CHD9: variants seen among roughly 807,000 people sequenced by gnomAD.
CHD9 encodes ATP-dependent chromatin remodeler CHD9.
CHD9 carries 77 observed loss-of-function variants against 316.1 expected under a neutral mutation model. That is an observed-to-expected ratio of 0.24 (90% CI 0.20 to 0.29). The LOEUF (loss-of-function observed/expected upper bound fraction) is 0.29, where lower values mean the gene tolerates loss of function less well. Among genes scored for constraint, CHD9 ranks in the 10% least tolerant of loss-of-function variants. The probability of loss-of-function intolerance (pLI) is 1.00; values close to 1 mark genes in which losing one functional copy is unlikely to be tolerated. For missense variants in CHD9, 2,763 were observed against 3,438.1 expected, an observed-to-expected ratio of 0.80 and a Z score of 4.91; for synonymous variants, 1,129 against 1,158.3, an observed-to-expected ratio of 0.97 and a Z score of 0.51.
At chr16:53,167,595 G>T (rs954251526) in intron 2 of CHD9, among the ~76,000 whole-genome samples, 1 of 151,806 alleles carries the variant, frequency 6.6e-6, no homozygotes, top group African/African-American at 2.4e-5. Context: ...TAAAGAAGGT[G>T]TTCCTCTAAG....
chr16:53,063,230 G>A (rs1316483310), intron 1 of CHD9, among the ~76,000 whole-genome samples: 2 of 151,940 alleles, frequency 1.3e-5, no homozygotes, highest in African/African-American at 2.4e-5. Context: ...GAGCAAACAG[G>A]CATAGAGAAG....
intron 1 of CHD9, among the ~76,000 whole-genome samples, chr16:53,145,107 A>C (rs2040462255): frequency 6.6e-6 from 1 of 151,908 alleles, no homozygotes; most frequent in Non-Finnish European, 1.5e-5. Flanking sequence ...ATTGGTTAGA[A>C]GTTTTCTAAG....
chr16:53,242,852 C>T lies in CHD9; in HGVS notation c.2890C>T (p.Arg964Ter). 6.2e-7 allele frequency: 1 copy of T among 1,612,494 alleles called. No homozygotes were observed. The highest frequency in any genetic ancestry group is 8.5e-7 in the Non-Finnish European group (1 of 1,179,004). The stretch of plus-strand genomic sequence containing the variant: ...TGATCATTTCTAGGGGCGTATCATT[C>T]GAGGAGCTTACAGATTCCAAGCCAT... ...YFRDSQGRII[R>*]GAYRFQAIIT... The change falls in exon 13 of 39, where the codon CGA becomes TGA. Residue 964 changes from arginine to a stop codon, truncating the protein, a stop_gained. Transcript: ENST00000447540. LOFTEE classifies it high-confidence loss of function.
intron 8 of CHD9, 55 bp from the exon 9 acceptor site, chr16:53,231,364 C>T (rs997747785): frequency 2.6e-5 from 27 of 1,029,962 alleles, no homozygotes; most frequent in Non-Finnish European, 3.9e-5. Context: ...TTCGTCCTTA[C>T]TTTTATCATT....
rs2153081762 is a variant in CHD9 at position 53,304,593 on chromosome 16, G to A, written c.6587G>A (p.Ser2196Asn). ...SSSSSSSSEE[S>N]DSDEEEAQKR... Reference sequence around the variant, plus strand: ...TCCTCTTCATCTTCATCAGAAGAAAGTGACAGTGATGAAGAAGAAGCCCAA... The same window carrying A: ...TCCTCTTCATCTTCATCAGAAGAAAATGACAGTGATGAAGAAGAAGCCCAA... Residue 2196 changes from serine to asparagine, a missense_variant, in exon 31 of 39, where the codon AGT (serine) becomes AAT (asparagine). By Grantham distance (46) the Ser-to-Asn change is conservative. This residue lies in a region of CHD9 where 663 missense variants were observed against 751.2 expected (regional missense o/e 0.88). Coordinates refer to ENST00000447540, the MANE Select transcript of CHD9 (RefSeq NM_001308319.2). 1 of 1,549,292 alleles carries A rather than the reference G, an allele frequency of 6.5e-7. No individual in the cohort carries two copies. Among genetic ancestry groups the A allele is most frequent in the African/African-American group, 1.4e-5 (1 of 72,980 alleles).
chr16:53,095,471 C>T (rs1200840755), intron 1 of CHD9, among the ~76,000 whole-genome samples: 2 of 151,838 alleles, frequency 1.3e-5, no homozygotes, highest in African/African-American at 4.8e-5. Context: ...ATTGCTTGAG[C>T]CCAGGAGATT....
intron 22 of CHD9, among the ~76,000 whole-genome samples, chr16:53,272,493 T>G (rs1009873363): frequency 6.6e-6 from 1 of 151,602 alleles, no homozygotes; most frequent in Non-Finnish European, 1.5e-5. Flanking sequence ...GCAAGAGGAG[T>G]CAAAACTGCA....
chr16:53,286,269 C>T lies in CHD9; in HGVS notation c.5115C>T (p.Cys1705=). The T allele has an allele frequency of 6.2e-7, 1 of 1,613,042 alleles. No individual in the cohort carries two copies. Among genetic ancestry groups the T allele is most frequent in the Non-Finnish European group, 8.5e-7 (1 of 1,179,146 alleles). The change falls in exon 26 of 39, where the codon TGC becomes TGT. Residue 1705 remains cysteine (C), a synonymous_variant. Transcript: ENST00000447540. ...YNTIRADPAL[C]FLERVGKPDE... ...CTATTCGAGCAGACCCAGCATTATG[C>T]TTCTTGGAAAGAGTGGGAAAACCTG...
intron 19 of CHD9, among the ~76,000 whole-genome samples, chr16:53,259,021 C>A (rs2050841737): frequency 6.6e-6 from 1 of 152,152 alleles, no homozygotes; most frequent in Non-Finnish European, 1.5e-5. Context: ...AATTTAAAAT[C>A]TTCTCTTGCA....
chr16:53,306,584 C>G (rs1430366400), intron 32 of CHD9, among the ~76,000 whole-genome samples, 187 bp downstream of exon 32: 1 of 152,146 alleles, frequency 6.6e-6, no homozygotes, highest in African/African-American at 2.4e-5. Context: ...GTGTATGCTT[C>G]TCAACATAAC....
intron 1 of CHD9, among the ~76,000 whole-genome samples, chr16:53,128,191 T>A (rs904850875): frequency 6.6e-6 from 1 of 152,042 alleles, no homozygotes; most frequent in African/African-American, 2.4e-5. Context: ...GACATTTTTT[T>A]TTTTCTTTTA....
At chr16:53,127,246 G>A (rs1288872677) in intron 1 of CHD9, among the ~76,000 whole-genome samples, 1 of 152,244 alleles carries the variant, frequency 6.6e-6, no homozygotes, top group Non-Finnish European at 1.5e-5. Flanking sequence ...ACAGGTGTGA[G>A]CCACCACATC....
chr16:53,097,986 G>A (rs1254367131), intron 1 of CHD9, among the ~76,000 whole-genome samples: 1 of 151,842 alleles, frequency 6.6e-6, no homozygotes, highest in Non-Finnish European at 1.5e-5. Context: ...CAGGTGTGGT[G>A]GCAGGTGCCT....
intron 1 of CHD9, among the ~76,000 whole-genome samples, chr16:53,119,701 G>A (rs538198001): frequency 1.3e-5 from 2 of 152,046 alleles, no homozygotes; most frequent in Non-Finnish European, 2.9e-5. Context: ...GCGTGTTGGC[G>A]CATGCCTGTA....
chr16:53,276,323 A>G (rs919500591), intron 24 of CHD9, among the ~76,000 whole-genome samples: 5 of 152,302 alleles, frequency 3.3e-5, no homozygotes, highest in African/African-American at 9.6e-5. Flanking sequence ...CTGAATGACT[A>G]ACTTCAAATT....
intron 2 of CHD9, among the ~76,000 whole-genome samples, chr16:53,207,084 C>T (rs964215403): frequency 4.6e-5 from 7 of 151,984 alleles, no homozygotes; most frequent in African/African-American, 1.2e-4. Context: ...CCTTTGGTAC[C>T]TAAAAGGGGC....
chr16:53,203,239 A>G (rs184340450), intron 2 of CHD9, among the ~76,000 whole-genome samples: 1 of 152,336 alleles, frequency 6.6e-6, no homozygotes, highest in East Asian at 1.9e-4. Context: ...TAAGAGAAGT[A>G]AAATGCCTTA....
chr16:53,144,102 C>G (rs2040370302), intron 1 of CHD9, among the ~76,000 whole-genome samples: 2 of 152,042 alleles, frequency 1.3e-5, no homozygotes, highest in South Asian at 4.1e-4. Flanking sequence ...AGATATGGAG[C>G]TTACTGCTTC....
At chr16:53,321,197 T>G (rs1205759703) in intron 37 of CHD9, 1 of 1,299,226 alleles carries the variant, frequency 7.7e-7, no homozygotes, top group Non-Finnish European at 1.0e-6. Context: ...ATTTACTGAT[T>G]TGCTCGAGTT....
Sources: gnomAD v4.1 joint callset for allele counts (sites outside exome capture counted in the v4.1 genomes callset) on GRCh38, gnomAD v4.1.1 for gene constraint, gnomAD v4.1.1 regional missense constraint, MANE v1.5 for transcripts, NCBI Gene and HGNC (gene_info 2026-07-23, HGNC 2026-07-21) for gene names.